The following MAML3 variants were observed in gnomAD, a reference collection of about 807,000 sequenced individuals.
MAML3 encodes the protein mastermind-like protein 3.
MAML3 carries 27 observed loss-of-function variants against 101.9 expected under a neutral mutation model. The ratio of observed to expected loss-of-function variants is 0.27; its 90% CI spans 0.20 to 0.37. The LOEUF is 0.37. MAML3 is among the 10% of genes least tolerant of loss of function. MAML3 has a pLI of 1.00. For missense variants in MAML3, 1,316 were observed against 1,444.9 expected (o/e 0.91, Z 1.45); for synonymous variants, 501 against 555.9 (o/e 0.90, Z 1.39).
intron 1 of MAML3, among the ~76,000 whole-genome samples, chr4:140,065,288 T>G (rs1727516100): frequency 6.7e-6 from 1 of 149,896 alleles, no homozygotes; most frequent in East Asian, 1.9e-4. Flanking sequence ...ACGGTTTGCT[T>G]TTTTTTTTTC....
At chr4:139,821,846 TC>T (rs1480414376) in intron 2 of MAML3, among the ~76,000 whole-genome samples, 1 of 152,218 alleles carries the variant, frequency 6.6e-6, no homozygotes, top group Non-Finnish European at 1.5e-5. Flanking sequence ...AAAATGCTTA[TC>T]CCAGTACTAT....
intron 1 of MAML3, among the ~76,000 whole-genome samples, chr4:140,074,219 A>AGAGAG (rs1560885544): frequency 1.7e-5 from 1 of 57,226 alleles, no homozygotes; most frequent in Non-Finnish European, 5.0e-5. Context: ...GAAAGAAAGA[A>AGAGAG]AGAAAGAAAG....
At chr4:139,978,282 C>T (rs1418293719) in intron 1 of MAML3, among the ~76,000 whole-genome samples, 1 of 152,122 alleles carries the variant, frequency 6.6e-6, no homozygotes, top group Non-Finnish European at 1.5e-5. Context: ...CTCCTGGCTC[C>T]CCATCTTTGG....
intron 1 of MAML3, among the ~76,000 whole-genome samples, chr4:140,018,287 A>G (rs1300462429): frequency 1.4e-5 from 2 of 138,424 alleles, no homozygotes; most frequent in Non-Finnish European, 3.4e-5. Context: ...CCTTTACACA[A>G]TGTCAAAGTG....
chr4:139,851,164 G>T (rs1731540366), intron 2 of MAML3, among the ~76,000 whole-genome samples: 1 of 152,016 alleles, frequency 6.6e-6, no homozygotes, highest in South Asian at 2.1e-4. Flanking sequence ...CTTCTTTCTG[G>T]GGCTCTTAGA....
At chr4:140,135,821 T>C (rs1728873314) in intron 1 of MAML3, among the ~76,000 whole-genome samples, 2 of 152,256 alleles carry the variant, frequency 1.3e-5, no homozygotes, top group African/African-American at 4.8e-5. Flanking sequence ...GGAGCTGTTT[T>C]ATCATTATTT....
chr4:139,942,541 C>T (rs1481108945), intron 1 of MAML3, among the ~76,000 whole-genome samples: 3 of 152,132 alleles, frequency 2.0e-5, no homozygotes, highest in Admixed American at 1.3e-4. Flanking sequence ...CATGAGGTCA[C>T]TCGGCCCCCT....
intron 2 of MAML3, among the ~76,000 whole-genome samples, chr4:139,739,361 C>T (rs1729073797): frequency 6.6e-6 from 1 of 152,178 alleles, no homozygotes; most frequent in Non-Finnish European, 1.5e-5. Flanking sequence ...ACCATTTGTC[C>T]TTATCAGTGC....
intron 3 of MAML3, 64 bp downstream of exon 3, chr4:139,730,352 G>A (rs1410125169): frequency 4.2e-6 from 6 of 1,422,676 alleles, no homozygotes; most frequent in Non-Finnish European, 4.8e-6. Flanking sequence ...CTCACAGGCA[G>A]CAGGCAGGTG....
intron 1 of MAML3, among the ~76,000 whole-genome samples, chr4:139,957,688 A>G (rs941047993): frequency 5.9e-5 from 9 of 152,220 alleles, no homozygotes; most frequent in African/African-American, 1.9e-4. Context: ...AAAGTAGCCA[A>G]CTGCTTTTTC....
chr4:140,013,328 C>T (rs1005531523), intron 1 of MAML3, among the ~76,000 whole-genome samples: 11 of 152,212 alleles, frequency 7.2e-5, no homozygotes, highest in African/African-American at 2.7e-4. Context: ...GTTTCTTCCT[C>T]TGGAATATCT....
chr4:140,107,109 G>T (rs1237054984), intron 1 of MAML3, among the ~76,000 whole-genome samples: 1 of 152,164 alleles, frequency 6.6e-6, no homozygotes, highest in Non-Finnish European at 1.5e-5. Flanking sequence ...GACCTCAGGT[G>T]ATCTGCCCAC....
intron 2 of MAML3, among the ~76,000 whole-genome samples, chr4:139,777,421 C>T (rs1730113541): frequency 6.6e-6 from 1 of 152,228 alleles, no homozygotes; most frequent in Non-Finnish European, 1.5e-5. Flanking sequence ...CTTCAGTCTC[C>T]ACTGCCACTT....
intron 1 of MAML3, among the ~76,000 whole-genome samples, chr4:139,995,660 G>T (rs1320242730): frequency 6.6e-6 from 1 of 152,092 alleles, no homozygotes; most frequent in Non-Finnish European, 1.5e-5. Context: ...TTTAAATTCT[G>T]TTGGGTCAGT....
At chr4:139,811,382 A>G (rs971454527) in intron 2 of MAML3, among the ~76,000 whole-genome samples, 19 of 152,152 alleles carry the variant, frequency 1.2e-4, no homozygotes, top group Non-Finnish European at 2.2e-4. Flanking sequence ...CTTGAGTACT[A>G]TTAGCTACTT....
At chr4:139,840,255 C>G (rs898315501) in intron 2 of MAML3, among the ~76,000 whole-genome samples, 1 of 152,192 alleles carries the variant, frequency 6.6e-6, no homozygotes, top group African/African-American at 2.4e-5. Context: ...ATATAAGCAG[C>G]ACAGTTCATA....
At chr4:140,018,154 G>GGT (rs879711478) in intron 1 of MAML3, among the ~76,000 whole-genome samples, 4 of 152,050 alleles carry the variant, frequency 2.6e-5, no homozygotes, top group Non-Finnish European at 5.9e-5. Flanking sequence ...TTTAATTTGA[G>GGT]AACTACTCAG....
intron 1 of MAML3, among the ~76,000 whole-genome samples, chr4:140,012,862 G>T (rs1469691521): frequency 6.6e-6 from 1 of 152,128 alleles, no homozygotes; most frequent in Admixed American, 6.5e-5. Context: ...GTTAACTCAG[G>T]TTTCTACCCT....
At chr4:139,739,162 G>A (rs1284612940) in intron 2 of MAML3, among the ~76,000 whole-genome samples, 1 of 152,168 alleles carries the variant, frequency 6.6e-6, no homozygotes, top group Non-Finnish European at 1.5e-5. Context: ...CCAACATCAG[G>A]TATAACTGGA....
Sources: allele counts gnomAD v4.1 joint callset (sites outside exome capture counted in the v4.1 genomes callset), GRCh38; gene constraint gnomAD v4.1.1; transcripts MANE v1.5; gene names NCBI Gene and HGNC (gene_info 2026-07-23, HGNC 2026-07-21).